Variants in DNAH11 observed in about 807,000 individuals in gnomAD.
The protein encoded by DNAH11 is axonemal beta dynein heavy chain 11.
Under a neutral mutation model 526.0 loss-of-function variants are expected in DNAH11, and 442 were observed. The ratio of observed to expected loss-of-function variants is 0.84; its 90% confidence interval spans 0.78 to 0.91. The LOEUF (loss-of-function observed/expected upper bound fraction) is 0.91. Among genes scored for constraint, DNAH11 ranks in the 40% least tolerant of loss-of-function variants. The pLI is 0.00. For synonymous variants in DNAH11, 2,461 were observed against 1,935.9 expected (o/e 1.27, Z -7.12); for missense variants, 6,989 against 5,448.7 (o/e 1.28, Z -8.90).
At chr7:21,600,419 G>C (rs1785033597) in intron 15 of DNAH11, among the ~76,000 whole-genome samples, 1 of 152,024 alleles carries the variant, frequency 6.6e-6, no homozygotes, top group African/African-American at 2.4e-5. Context: ...GATTAAGCCA[G>C]TGCACTCCAG....
intron 65 of DNAH11, among the ~76,000 whole-genome samples, chr7:21,825,801 T>G (rs1353413076): frequency 6.6e-6 from 1 of 151,736 alleles, no homozygotes; most frequent in East Asian, 1.9e-4. Flanking sequence ...CTACTAAAAA[T>G]ACAAAAAATT....
intron 32 of DNAH11, among the ~76,000 whole-genome samples, chr7:21,685,986 C>G (rs1783359645): frequency 6.6e-6 from 1 of 152,194 alleles, no homozygotes; most frequent in Non-Finnish European, 1.5e-5. Context: ...CTACCCAAAA[C>G]TTGGAACCAC....
At chr7:21,868,225 T>C (rs1783360952) in intron 72 of DNAH11, among the ~76,000 whole-genome samples, 1 of 152,174 alleles carries the variant, frequency 6.6e-6, no homozygotes, top group South Asian at 2.1e-4. Context: ...TGCAAGTTTC[T>C]TTTGTACTGT....
chr7:21,653,517 G>A (rs1054976837), intron 28 of DNAH11, among the ~76,000 whole-genome samples: 25 of 152,188 alleles, frequency 1.6e-4, no homozygotes, highest in African/African-American at 4.6e-4. Context: ...TCTGATGGCT[G>A]AAGGCTCATT....
At chr7:21,632,573 C>T (rs1470015448) in intron 25 of DNAH11, among the ~76,000 whole-genome samples, 4 of 152,170 alleles carry the variant, frequency 2.6e-5, no homozygotes, top group African/African-American at 9.7e-5. Context: ...CCAAAAATCT[C>T]TAGGGCAGGG....
chr7:21,818,596 C>T (rs572784559), intron 65 of DNAH11, among the ~76,000 whole-genome samples: 81 of 152,266 alleles, frequency 5.3e-4, no homozygotes, highest in South Asian at 5.0e-3. Context: ...ATCTGAGAAT[C>T]GTTGCCTCTT....
intron 20 of DNAH11, among the ~76,000 whole-genome samples, chr7:21,607,519 ATTTTTT>A (rs1048843909): frequency 1.3e-5 from 2 of 152,140 alleles, no homozygotes; most frequent in African/African-American, 4.8e-5. Context: ...AACTACTACT[ATTTTTT>A]GAGTCCTTAC....
intron 45 of DNAH11, among the ~76,000 whole-genome samples, chr7:21,729,119 T>C (rs1303776840): frequency 6.6e-6 from 1 of 152,252 alleles, no homozygotes; most frequent in Non-Finnish European, 1.5e-5. Context: ...TGGCAGTAGA[T>C]GTTCTGCTGA....
At position 21,901,165 on chromosome 7, in the gene DNAH11, C is replaced by T. The variant is rs1784804936; in HGVS notation, c.13462C>T (p.Pro4488Ser). Residue 4488 changes from proline to serine, a missense_variant, in exon 82 of 82, where the codon CCC becomes TCC. Physicochemically the swap from Pro to Ser is moderately conservative, Grantham distance 74. Coordinates refer to ENST00000409508, the MANE Select transcript of DNAH11 (RefSeq NM_001277115.2). ...TGTGTATAGAACCAAACTGAGAGGC[C>T]CCAGCTACATCTGGACCTTCAGGCT... ...CPVYRTKLRG[P>S]SYIWTFRLKS... is the part of the protein sequence containing the mutation. The T allele has an allele frequency of 6.2e-7, 1 of 1,613,758 alleles. No individual in the cohort carries two copies. The highest frequency in any genetic ancestry group is 1.7e-5 in the Admixed American group (1 of 59,990).
Position 21,854,462 on chromosome 7 carries a change from C to G in DNAH11, c.11202+7C>G, listed in dbSNP as rs73279826. ...CTACCAATTCTCTTTGAAGGTAATG[C>G]TGAATGAGCTAAGAAATATGGGAAA... On this transcript the variant is annotated splice_region_variant and intron_variant, in intron 68 of 81. Transcript: ENST00000409508. The G allele has an allele frequency of 2.0e-5, 33 of 1,611,212 alleles. No homozygotes were observed. The highest frequency in any genetic ancestry group is 1.6e-4 in the Middle Eastern group (1 of 6,080).
intron 65 of DNAH11, among the ~76,000 whole-genome samples, chr7:21,824,382 C>T (rs1177812407): frequency 1.3e-5 from 2 of 152,056 alleles, no homozygotes; most frequent in African/African-American, 4.8e-5. Context: ...GTATCAGTTC[C>T]ATAAAGTCTA....
At chr7:21,782,240 T>G (rs1233200525) in intron 57 of DNAH11, among the ~76,000 whole-genome samples, 1 of 152,234 alleles carries the variant, frequency 6.6e-6, no homozygotes, top group Non-Finnish European at 1.5e-5. Flanking sequence ...AGGGTGAAAC[T>G]GTCTCCAAAT....
intron 74 of DNAH11, among the ~76,000 whole-genome samples, chr7:21,876,920 C>A (rs1268890493): frequency 6.6e-6 from 1 of 152,218 alleles, no homozygotes; most frequent in African/African-American, 2.4e-5. Flanking sequence ...CAACCATATG[C>A]CCAGCTAAAA....
intron 2 of DNAH11, among the ~76,000 whole-genome samples, chr7:21,555,823 C>T (rs540911845): frequency 1.3e-5 from 2 of 152,116 alleles, no homozygotes; most frequent in South Asian, 2.1e-4. Flanking sequence ...TTTTGTGGGA[C>T]GTGTTTCTGC....
intron 63 of DNAH11, among the ~76,000 whole-genome samples, chr7:21,816,007 C>T (rs148522840): frequency 6.6e-6 from 1 of 152,046 alleles, no homozygotes; most frequent in Non-Finnish European, 1.5e-5. Context: ...TTCCATTAAT[C>T]CATCCCAGAG....
At chr7:21,675,190 C>G (rs1231557269) in intron 30 of DNAH11, among the ~76,000 whole-genome samples, 2 of 152,214 alleles carry the variant, frequency 1.3e-5, no homozygotes, top group Non-Finnish European at 2.9e-5. Flanking sequence ...TCTCATTGTC[C>G]TAACTGAGCT....
intron 25 of DNAH11, among the ~76,000 whole-genome samples, chr7:21,630,018 T>G (rs1318941617): frequency 6.6e-6 from 1 of 152,156 alleles, no homozygotes; most frequent in Non-Finnish European, 1.5e-5. Flanking sequence ...CCTTTATTGT[T>G]AAGTGATTTT....
intron 45 of DNAH11, among the ~76,000 whole-genome samples, chr7:21,726,929 T>G: frequency 2.4e-5 from 1 of 41,454 alleles, no homozygotes; most frequent in Non-Finnish European, 4.3e-5. Flanking sequence ...TTCTGCATCC[T>G]CTTTTCTTTT....
chr7:21,843,080 AAG>A (rs1474047239), intron 66 of DNAH11, among the ~76,000 whole-genome samples: 1 of 152,210 alleles, frequency 6.6e-6, no homozygotes, highest in African/African-American at 2.4e-5. Flanking sequence ...AAGAATGAAA[AAG>A]AGGTATAATG....
Sources: allele counts gnomAD v4.1 joint callset (sites outside exome capture counted in the v4.1 genomes callset), GRCh38; gene constraint gnomAD v4.1.1; transcripts MANE v1.5; gene names NCBI Gene and HGNC (gene_info 2026-07-23, HGNC 2026-07-21).